The following KAZN variants were observed in gnomAD, a reference collection of about 807,000 sequenced individuals.
KAZN encodes the protein kazrin, periplakin interacting protein, also known as kazrin.
KAZN carries 40 observed loss-of-function variants against 87.4 expected under a neutral mutation model. The observed-to-expected ratio is 0.46, with a 90% CI of 0.36 to 0.60. KAZN has a LOEUF of 0.60. KAZN is among the 20% of genes least tolerant of loss of function. The pLI is 0.00. For missense variants in KAZN, 898 were observed against 1,073.9 expected (o/e 0.84, Z 2.29); for synonymous variants, 466 against 458.3 (o/e 1.02, Z -0.22).
intron 1 of KAZN, among the ~76,000 whole-genome samples, chr1:14,123,984 C>A (rs1031647668): frequency 2.0e-5 from 3 of 152,284 alleles, no homozygotes; most frequent in East Asian, 1.9e-4. Context: ...GGCTCCTTCC[C>A]AATAGGAGCC....
intron 1 of KAZN, among the ~76,000 whole-genome samples, chr1:14,886,018 C>T (rs1654002873): frequency 6.6e-6 from 1 of 152,088 alleles, no homozygotes; most frequent in African/African-American, 2.4e-5. Context: ...GTAACACCCC[C>T]CGCCCCACCC....
intron 2 of KAZN, among the ~76,000 whole-genome samples, chr1:14,449,317 C>T (rs987782875): frequency 7.2e-5 from 11 of 152,322 alleles, no homozygotes; most frequent in Admixed American, 3.3e-4. Flanking sequence ...GATTCCTCTC[C>T]TTGTATCTGG....
chr1:15,065,027 C>CTTTTTTTTTTTTTTTTTTTTTTTTTTTTT (rs780410306), intron 7 of KAZN, among the ~76,000 whole-genome samples: 1 of 102,740 alleles, frequency 9.7e-6, no homozygotes, highest in Admixed American at 1.2e-4. Flanking sequence ...CTTTTTCTTT[C>CTTTTTTTTTTTTTTTTTTTTTTTTTTTTT]TTTTTTTTTT....
chr1:14,791,794 C>G (rs112635587), intron 1 of KAZN, among the ~76,000 whole-genome samples: 13 of 152,232 alleles, frequency 8.5e-5, no homozygotes, highest in African/African-American at 2.7e-4. Context: ...GCAGCAGGCA[C>G]GAGCCACCAG....
chr1:14,765,383 G>A (rs1446839084), intron 1 of KAZN, among the ~76,000 whole-genome samples: 2 of 152,244 alleles, frequency 1.3e-5, no homozygotes, highest in Non-Finnish European at 2.9e-5. Flanking sequence ...AGCTGGCCCG[G>A]CAGCCAGGGC....
At chr1:14,625,467 A>G (rs538043152) in intron 1 of KAZN, among the ~76,000 whole-genome samples, 2 of 152,342 alleles carry the variant, frequency 1.3e-5, no homozygotes, top group South Asian at 4.1e-4. Context: ...GCAGAGGACC[A>G]AAGGAATCAC....
chr1:14,620,868 C>T (rs1363393897), intron 1 of KAZN, among the ~76,000 whole-genome samples: 1 of 152,190 alleles, frequency 6.6e-6, no homozygotes, highest in Non-Finnish European at 1.5e-5. Flanking sequence ...GGAAATCTCC[C>T]AGCGGAGCCT....
chr1:14,800,858 T>C (rs910384134), intron 1 of KAZN, among the ~76,000 whole-genome samples: 1 of 152,022 alleles, frequency 6.6e-6, no homozygotes, highest in Non-Finnish European at 1.5e-5. Flanking sequence ...AGAAAGTAGC[T>C]TCGTAGTTGC....
At chr1:15,005,805 T>A (rs1296713198) in intron 2 of KAZN, among the ~76,000 whole-genome samples, 1 of 141,522 alleles carries the variant, frequency 7.1e-6, no homozygotes, top group African/African-American at 2.6e-5. Context: ...AAAAAAAAAA[T>A]TGTTTTAACC....
At chr1:14,851,811 C>T (rs1455351276) in intron 1 of KAZN, among the ~76,000 whole-genome samples, 1 of 152,190 alleles carries the variant, frequency 6.6e-6, no homozygotes, top group Non-Finnish European at 1.5e-5. Context: ...TGACATTGGA[C>T]GCCTTCTCAT....
chr1:14,934,992 C>G (rs1660285257), intron 1 of KAZN, among the ~76,000 whole-genome samples: 1 of 152,234 alleles, frequency 6.6e-6, no homozygotes, highest in African/African-American at 2.4e-5. Context: ...TGTGGCATTC[C>G]CGTAAACCTC....
intron 2 of KAZN, among the ~76,000 whole-genome samples, chr1:14,507,420 TATAAAC>T (rs1209281846): frequency 6.6e-6 from 1 of 152,162 alleles, no homozygotes; most frequent in African/African-American, 2.4e-5. Context: ...TGTGCATAGA[TATAAAC>T]ATAAACATTA....
At chr1:14,638,582 A>C (rs1296401085) in intron 1 of KAZN, among the ~76,000 whole-genome samples, 1 of 130,486 alleles carries the variant, frequency 7.7e-6, no homozygotes, top group African/African-American at 3.3e-5. Flanking sequence ...AAAAAAACAA[A>C]AAAAAAAAAA....
chr1:15,085,083 A>C (rs144714115), intron 8 of KAZN, among the ~76,000 whole-genome samples: 1,559 of 152,294 alleles, frequency 0.01, 22 homozygotes, highest in Middle Eastern at 0.031. Context: ...AAAATGAATA[A>C]AAGGGTGGGT....
chr1:14,590,225 A>T (rs1217178038), intron 2 of KAZN, among the ~76,000 whole-genome samples: 1 of 152,114 alleles, frequency 6.6e-6, no homozygotes, highest in Non-Finnish European at 1.5e-5. Flanking sequence ...GTTTCAAATC[A>T]CTGGGGTACC....
chr1:14,051,923 A>G (rs1252908601), intron 1 of KAZN, among the ~76,000 whole-genome samples: 2 of 152,200 alleles, frequency 1.3e-5, no homozygotes. Flanking sequence ...TGCCTGTCCT[A>G]TGTTCTGGAG....
At chr1:14,058,466 T>C (rs548215237) in intron 1 of KAZN, among the ~76,000 whole-genome samples, 1 of 152,296 alleles carries the variant, frequency 6.6e-6, no homozygotes, top group East Asian at 1.9e-4. Flanking sequence ...AAAAACCCCT[T>C]AGATTAATAT....
In KAZN at chr1:15,101,633, G is replaced by A. The variant is rs752155589; in HGVS notation, c.1638G>A (p.Gln546=). 1.5e-5 allele frequency: 24 copies of A among 1,566,276 alleles called. No individual in the cohort carries two copies. The highest frequency in any genetic ancestry group is 2.1e-5 in the Non-Finnish European group (24 of 1,154,882). Residue 546 remains glutamine (Q), a synonymous_variant, in exon 11 of 15, where the codon CAG becomes CAA. Transcript: ENST00000376030. Reference sequence around the variant, plus strand: ...TGTCCCAGTACTCCCAGGCCTTTCAGAACCACCTGGTTGATGGGCGGATGC... The same window carrying A: ...TGTCCCAGTACTCCCAGGCCTTTCAAAACCACCTGGTTGATGGGCGGATGC... The part of the protein sequence containing the change: ...IGLSQYSQAF[Q]NHLVDGRMLN...
intron 1 of KAZN, among the ~76,000 whole-genome samples, chr1:14,854,062 C>T (rs1339411997): frequency 6.6e-6 from 1 of 152,138 alleles, no homozygotes; most frequent in African/African-American, 2.4e-5. Flanking sequence ...CTTTACAAGC[C>T]CACCTGGAGG....
Sources: gnomAD v4.1 joint callset for allele counts (sites outside exome capture counted in the v4.1 genomes callset) on GRCh38, gnomAD v4.1.1 for gene constraint, MANE v1.5 for transcripts, NCBI Gene and HGNC (gene_info 2026-07-23, HGNC 2026-07-21) for gene names.